COL25A1: variants seen among roughly 807,000 people sequenced by gnomAD.
The protein encoded by COL25A1 is collagen alpha-1(XXV) chain.
In COL25A1, 103 loss-of-function variants were observed where a neutral mutation model predicts 128.4. That is an observed-to-expected ratio of 0.80 (90% CI 0.68 to 0.94). The LOEUF is 0.94. COL25A1 is among the 40% of genes least tolerant of loss of function. COL25A1 has a pLI of 0.00. For synonymous variants in COL25A1, 279 were observed against 277.2 expected (o/e 1.01, Z -0.06); for missense variants, 745 against 840.0 (o/e 0.89, Z 1.40).
chr4:109,016,702 C>A (rs1757246630), intron 5 of COL25A1, among the ~76,000 whole-genome samples: 2 of 152,208 alleles, frequency 1.3e-5, no homozygotes, highest in Non-Finnish European at 2.9e-5. Context: ...GGATGACCTG[C>A]CTGCAGAAAG....
chr4:109,124,685 T>G (rs1768420684), intron 3 of COL25A1, among the ~76,000 whole-genome samples: 1 of 151,938 alleles, frequency 6.6e-6, no homozygotes, highest in African/African-American at 2.4e-5. Flanking sequence ...TGCAAAATGC[T>G]CCATCTCTCA....
At chr4:109,081,859 A>G (rs1414232916) in intron 3 of COL25A1, among the ~76,000 whole-genome samples, 1 of 151,986 alleles carries the variant, frequency 6.6e-6, no homozygotes, top group Admixed American at 6.6e-5. Flanking sequence ...ATGTGCCACC[A>G]CGCCCGGCTA....
chr4:109,195,921 A>C (rs1775999672), intron 3 of COL25A1, among the ~76,000 whole-genome samples: 1 of 152,216 alleles, frequency 6.6e-6, no homozygotes, highest in South Asian at 2.1e-4. Context: ...TGTGGTAAGT[A>C]TACTTGGCTC....
At chr4:109,093,838 C>T (rs1334848184) in intron 3 of COL25A1, among the ~76,000 whole-genome samples, 3 of 151,956 alleles carry the variant, frequency 2.0e-5, no homozygotes, top group Non-Finnish European at 2.9e-5. Flanking sequence ...ATTTTGTTAC[C>T]TTCAAATTTA....
At chr4:108,923,177 T>C (rs1745664704) in intron 11 of COL25A1, among the ~76,000 whole-genome samples, 1 of 152,190 alleles carries the variant, frequency 6.6e-6, no homozygotes, top group Non-Finnish European at 1.5e-5. Flanking sequence ...AAGTTAAGCT[T>C]ACAAATCAAA....
chr4:109,174,533 T>G (rs1773894586), intron 3 of COL25A1, among the ~76,000 whole-genome samples: 1 of 152,158 alleles, frequency 6.6e-6, no homozygotes, highest in Non-Finnish European at 1.5e-5. Flanking sequence ...TCTCACAGCC[T>G]TTGCTCATTG....
At chr4:109,006,330 G>C (rs1561011467) in intron 6 of COL25A1, among the ~76,000 whole-genome samples, 2 of 144,984 alleles carry the variant, frequency 1.4e-5, no homozygotes, top group African/African-American at 5.1e-5. Flanking sequence ...TCCTGCCTCA[G>C]CCTCCCTAGT....
chr4:108,911,127 T>C (rs1283503564), intron 13 of COL25A1, among the ~76,000 whole-genome samples: 1 of 152,220 alleles, frequency 6.6e-6, no homozygotes, highest in East Asian at 1.9e-4. Flanking sequence ...GTGGTTTATA[T>C]TGATTTAATA....
At chr4:109,137,614 G>C (rs1769920731) in intron 3 of COL25A1, among the ~76,000 whole-genome samples, 2 of 152,062 alleles carry the variant, frequency 1.3e-5, no homozygotes, top group African/African-American at 4.8e-5. Context: ...CATAAAAGCA[G>C]AAGCTAAGTA....
In COL25A1 at chr4:109,201,500, A is replaced by G. The variant is rs79760153; in HGVS notation, c.367+99083T>C. On this transcript the variant is annotated intron_variant, in intron 3 of 37. Transcript: ENST00000399132. ...AGAGGGTAACTTTCTCAACCAGAGA[A>G]AAAACACCTACAAACAACAAACTAT... 8.4e-3 allele frequency among the ~76,000 whole-genome samples: 1,286 copies of G among 152,304 alleles called. 57 individuals are homozygous for G. The South Asian group carries it at 0.14, about 16-fold the overall frequency.
At chr4:108,847,770 T>C (rs1735284413) in intron 27 of COL25A1, among the ~76,000 whole-genome samples, 1 of 152,210 alleles carries the variant, frequency 6.6e-6, no homozygotes, top group Non-Finnish European at 1.5e-5. Flanking sequence ...TTACCACATG[T>C]TCATTTAATA....
chr4:109,274,170 AT>A (rs1418777703), intron 3 of COL25A1, among the ~76,000 whole-genome samples: 1 of 151,834 alleles, frequency 6.6e-6, no homozygotes, highest in Admixed American at 6.6e-5. Context: ...AGTATCTTTT[AT>A]TTTCCTTTCA....
At chr4:109,294,540 C>T (rs1222958718) in intron 3 of COL25A1, among the ~76,000 whole-genome samples, 1 of 152,026 alleles carries the variant, frequency 6.6e-6, no homozygotes, top group African/African-American at 2.4e-5. Context: ...GGAAAAGGTG[C>T]TAAATATCAT....
chr4:109,210,050 CAA>C (rs1279307600), intron 3 of COL25A1, among the ~76,000 whole-genome samples: 16 of 112,658 alleles, frequency 1.4e-4, no homozygotes, highest in African/African-American at 9.9e-5. Flanking sequence ...GACTTCATCT[CAA>C]AAAAAAAAAA....
intron 6 of COL25A1, among the ~76,000 whole-genome samples, chr4:108,984,034 C>T (rs569046121): frequency 6.6e-5 from 10 of 152,180 alleles, no homozygotes; most frequent in African/African-American, 9.6e-5. Flanking sequence ...TTTGACAGGG[C>T]GCTGATTGGT....
chr4:109,015,934 A>G (rs1397289632), intron 5 of COL25A1, among the ~76,000 whole-genome samples: 1 of 152,252 alleles, frequency 6.6e-6, no homozygotes, highest in Non-Finnish European at 1.5e-5. Flanking sequence ...TGCTGGCTGC[A>G]GCAGAGGAGG....
chr4:108,972,862 C>T (rs1399569274), intron 8 of COL25A1, among the ~76,000 whole-genome samples: 4 of 152,114 alleles, frequency 2.6e-5, no homozygotes. Context: ...CAACATGAAA[C>T]CAGGTGAATT....
intron 6 of COL25A1, among the ~76,000 whole-genome samples, chr4:108,983,429 C>T (rs1194897763): frequency 6.6e-6 from 1 of 152,134 alleles, no homozygotes; most frequent in Non-Finnish European, 1.5e-5. Context: ...CTATAATTAT[C>T]GATTTCAGCA....
intron 6 of COL25A1, among the ~76,000 whole-genome samples, chr4:108,998,386 T>G (rs1754994212): frequency 6.6e-6 from 1 of 152,024 alleles, no homozygotes; most frequent in Non-Finnish European, 1.5e-5. Context: ...GAGAATAAAA[T>G]ACCTAGAAAT....
Sources: gnomAD v4.1 joint callset for allele counts (sites outside exome capture counted in the v4.1 genomes callset) on GRCh38, gnomAD v4.1.1 for gene constraint, MANE v1.5 for transcripts, NCBI Gene and HGNC (gene_info 2026-07-23, HGNC 2026-07-21) for gene names.